CDYL2: variants seen among roughly 807,000 people sequenced by gnomAD.
CDYL2 encodes chromodomain Y-like protein 2.
CDYL2 carries 23 observed loss-of-function variants against 49.4 expected under a neutral mutation model. The ratio of observed to expected loss-of-function variants is 0.47; its 90% CI spans 0.34 to 0.66. The LOEUF (loss-of-function observed/expected upper bound fraction) is 0.66. Among genes scored for constraint, CDYL2 ranks in the 30% least tolerant of loss-of-function variants. The probability of loss-of-function intolerance (pLI) is 0.01; values close to 1 mark genes in which losing one functional copy is unlikely to be tolerated. For missense variants in CDYL2, 678 were observed against 656.4 expected, an observed-to-expected ratio of 1.03 and a Z score of -0.36; for synonymous variants, 360 against 268.8, an observed-to-expected ratio of 1.34 and a Z score of -3.32.
At chr16:80,756,502 T>C (rs1283624365) in intron 1 of CDYL2, among the ~76,000 whole-genome samples, 1 of 152,024 alleles carries the variant, frequency 6.6e-6, no homozygotes, top group African/African-American at 2.4e-5. Flanking sequence ...TTTGGGTAAA[T>C]ACAAATGAAC....
chr16:80,639,441 A>G (rs1261359755), intron 2 of CDYL2, among the ~76,000 whole-genome samples: 1 of 152,254 alleles, frequency 6.6e-6, no homozygotes, highest in East Asian at 1.9e-4. Flanking sequence ...AAAAATTGGA[A>G]GCAACCATTG....
chr16:80,769,902 C>G (rs1034008788), intron 1 of CDYL2, among the ~76,000 whole-genome samples: 3 of 152,044 alleles, frequency 2.0e-5, no homozygotes, highest in Non-Finnish European at 4.4e-5. Flanking sequence ...ATACCACACC[C>G]ACGAAATGGA....
In CDYL2 at chr16:80,804,476, A is replaced by G. The variant is rs1482142066; in HGVS notation, c.-303T>C. 30 of 141,638 alleles carry G rather than the reference A, an allele frequency of 2.1e-4. No individual in the cohort carries two copies. The highest frequency in any genetic ancestry group is 7.1e-4 in the African/African-American group (28 of 39,240). The allele number at this position is 141,638 out of a possible 1,614,324, so 8.8% of individuals were successfully genotyped here. Reference sequence around the variant, plus strand: ...GCCCGGGAGGCACGGACGCGGCCCGAGCGCCGCGGCCCCCGCGACCCGGCG... The same window carrying G: ...GCCCGGGAGGCACGGACGCGGCCCGGGCGCCGCGGCCCCCGCGACCCGGCG... On this transcript the variant is annotated 5_prime_UTR_variant, in exon 1 of 7. Coordinates refer to ENST00000570137, the MANE Select transcript of CDYL2 (RefSeq NM_152342.4).
At chr16:80,747,963 A>G (rs754774217) in intron 1 of CDYL2, among the ~76,000 whole-genome samples, 24 of 151,708 alleles carry the variant, frequency 1.6e-4, no homozygotes, top group Admixed American at 2.6e-4. Context: ...TCCATTCTAT[A>G]TTTGTTCATT....
At chr16:80,724,858 C>A (rs1353696988) in intron 1 of CDYL2, among the ~76,000 whole-genome samples, 4 of 152,192 alleles carry the variant, frequency 2.6e-5, no homozygotes, top group Non-Finnish European at 4.4e-5. Context: ...ACAGTCTTGA[C>A]CCATGGCCAA....
Position 80,804,230 on chromosome 16 carries a change from TGC to T in CDYL2, c.-59_-58del. On this transcript the variant is annotated 5_prime_UTR_variant, in exon 1 of 7. Transcript: ENST00000570137. ...CGCGTCTGCTCGCTCGCGCCCTCCG[TGC>T]GTGTGCGCGCGGGGTCCGGTGTGCG... The T allele has an allele frequency of 7.6e-7, 1 of 1,321,980 alleles. No individual in the cohort carries two copies. Among genetic ancestry groups the T allele is most frequent in the Non-Finnish European group, 9.9e-7 (1 of 1,007,428 alleles). 81.9% of individuals were successfully genotyped at this position (1,321,980 alleles called of 1,614,324 possible). A position where few individuals can be genotyped will look rare whatever the true frequency, so the allele number is the denominator to read the frequency against.
At chr16:80,723,957 G>A (rs374172574) in intron 1 of CDYL2, among the ~76,000 whole-genome samples, 2 of 148,850 alleles carry the variant, frequency 1.3e-5, no homozygotes, top group South Asian at 4.3e-4. Context: ...GAAAAAGGGG[G>A]GAGAAAGAGG....
chr16:80,641,959 G>C (rs947206790), intron 2 of CDYL2, among the ~76,000 whole-genome samples: 1 of 151,298 alleles, frequency 6.6e-6, no homozygotes, highest in Non-Finnish European at 1.5e-5. Context: ...AGTGGTAATA[G>C]CAAGTTCACA....
intron 2 of CDYL2, among the ~76,000 whole-genome samples, chr16:80,682,005 A>C (rs991815699): frequency 2.0e-5 from 3 of 152,196 alleles, no homozygotes; most frequent in Non-Finnish European, 4.4e-5. Context: ...CACAAAGCTC[A>C]TCTCAAAATG....
chr16:80,621,127 A>C (rs1344621920), intron 3 of CDYL2, among the ~76,000 whole-genome samples, 192 bp from the exon 4 acceptor site: 1 of 152,244 alleles, frequency 6.6e-6, no homozygotes, highest in African/African-American at 2.4e-5. Flanking sequence ...TATCATAGCC[A>C]AAGCCCTCCA....
intron 1 of CDYL2, among the ~76,000 whole-genome samples, chr16:80,741,611 AGAT>A (rs1156438214): frequency 1.3e-5 from 2 of 152,214 alleles, no homozygotes; most frequent in East Asian, 3.8e-4. Flanking sequence ...TGAGGGTAAT[AGAT>A]GATATCTAAA....
rs573738259 is a variant in CDYL2, at chr16:80,693,230, A to G, written c.25-8101T>C. On this transcript the variant is annotated intron_variant, in intron 1 of 6. Transcript: ENST00000570137. Reference sequence around the variant, plus strand: ...ATTGGATTTGCGTGGTGAGGTATACATCTGTCAAAAGTCACTTTTACACTG... The same window carrying G: ...ATTGGATTTGCGTGGTGAGGTATACGTCTGTCAAAAGTCACTTTTACACTG... 2.0e-5 allele frequency among the ~76,000 whole-genome samples: 3 copies of G among 152,300 alleles called. No homozygotes were observed. The South Asian group carries it at 6.2e-4, about 32-fold the overall frequency.
At chr16:80,630,953 C>T (rs769027695) in intron 3 of CDYL2, among the ~76,000 whole-genome samples, 5 of 152,284 alleles carry the variant, frequency 3.3e-5, no homozygotes, top group African/African-American at 4.8e-5. Context: ...CATCCCTTGA[C>T]TTCATCCTCC....
chr16:80,798,039 GTTTT>G (rs969136119), intron 1 of CDYL2, among the ~76,000 whole-genome samples: 2 of 151,982 alleles, frequency 1.3e-5, no homozygotes, highest in African/African-American at 2.4e-5. Context: ...TTGTTTGTTT[GTTTT>G]TTGTTTTTTG....
chr16:80,702,509 G>C (rs1300445232), intron 1 of CDYL2, among the ~76,000 whole-genome samples: 3 of 152,106 alleles, frequency 2.0e-5, no homozygotes, highest in Non-Finnish European at 4.4e-5. Context: ...CAGCACTCTG[G>C]GAGACCAAAG....
intron 1 of CDYL2, among the ~76,000 whole-genome samples, chr16:80,779,139 G>T (rs998899997): frequency 6.6e-6 from 1 of 151,996 alleles, no homozygotes; most frequent in Non-Finnish European, 1.5e-5. Context: ...ACAGTGAGAT[G>T]AGAAAGAAGC....
At chr16:80,680,739 C>A (rs938689511) in intron 2 of CDYL2, among the ~76,000 whole-genome samples, 4 of 152,156 alleles carry the variant, frequency 2.6e-5, no homozygotes, top group African/African-American at 7.2e-5. Context: ...ATGGATCTAC[C>A]AACAGATGGA....
chr16:80,612,110 G>A lies in CDYL2; in HGVS notation c.1218+516C>T, dbSNP rs570005054. On this transcript the variant is annotated intron_variant, in intron 5 of 6. Coordinates refer to ENST00000570137, the MANE Select transcript of CDYL2 (RefSeq NM_152342.4). The surrounding 1 kb of genome is among the most constrained non-coding windows in gnomAD (Gnocchi z 5.0). ...GCATGTGACCAGAAGCTGAGTCATG[G>A]CCAATACCACATGAGTGGAGGGGAA... 6.6e-6 allele frequency among the ~76,000 whole-genome samples: 1 copy of A among 152,350 alleles called. No homozygotes were observed. The highest frequency in any genetic ancestry group is 2.4e-5 in the African/African-American group (1 of 41,580).
At chr16:80,732,776 T>C (rs977885040) in intron 1 of CDYL2, among the ~76,000 whole-genome samples, 1 of 152,206 alleles carries the variant, frequency 6.6e-6, no homozygotes, top group African/African-American at 2.4e-5. Context: ...ATGTAAGAAT[T>C]TCCTTTTATT....
Sources: gnomAD v4.1 joint callset for allele counts (sites outside exome capture counted in the v4.1 genomes callset) on GRCh38, gnomAD v4.1.1 for gene constraint, Gnocchi (gnomAD v3.1) non-coding constraint, MANE v1.5 for transcripts, NCBI Gene and HGNC (gene_info 2026-07-23, HGNC 2026-07-21) for gene names.